Variants in TMEM184B observed in about 807,000 individuals in gnomAD.
The protein encoded by TMEM184B is transmembrane protein 184B, also known as putative MAPK-activating protein FM08.
In TMEM184B, 17 loss-of-function variants were observed where a neutral mutation model predicts 41.8. That is an observed-to-expected ratio of 0.41 (90% CI 0.28 to 0.61). The LOEUF (loss-of-function observed/expected upper bound fraction) is 0.61. Ranked by LOEUF, TMEM184B falls within the 20% of genes least tolerant of loss-of-function variation. The pLI is 0.34. For synonymous variants in TMEM184B, 240 were observed against 229.5 expected (o/e 1.05, Z -0.41); for missense variants, 393 against 557.8 (o/e 0.70, Z 2.98).
At chr22:38,266,316 A>C (rs1373497669) in intron 1 of TMEM184B, among the ~76,000 whole-genome samples, 1 of 152,220 alleles carries the variant, frequency 6.6e-6, no homozygotes, top group African/African-American at 2.4e-5. Flanking sequence ...TCTCCAAACC[A>C]CAACCTTGGG....
In TMEM184B at chr22:38,220,257, G is replaced by C; in HGVS notation, c.*1212C>G. The C allele has an allele frequency of 1.0e-6, 1 of 986,020 alleles. No homozygotes were observed. Among genetic ancestry groups the C allele is most frequent in the African/African-American group, 1.7e-5 (1 of 57,342 alleles). 61.1% of individuals were successfully genotyped at this position (986,020 alleles called of 1,614,324 possible). ...CTTGGTGGTCCTGACCACTCCTGAG[G>C]CCTGTCCAAGGGCTCTGGGCCCAGC... On this transcript the variant is annotated 3_prime_UTR_variant, in exon 9 of 9. Coordinates refer to ENST00000361906, the MANE Select transcript of TMEM184B (RefSeq NM_012264.5).
At position 38,247,820 on chromosome 22, in the gene TMEM184B, C is replaced by T; in HGVS notation, c.142G>A (p.Ala48Thr). ...PVFLMTTAAQ[A>T]ISGFFVWTAL... ...GTCCACACGAAGAAGCCAGAGATGGCCTGAGCGGCAGTTGTCATCAGGAAC... is the reference window on the plus strand; with the variant it reads ...GTCCACACGAAGAAGCCAGAGATGGTCTGAGCGGCAGTTGTCATCAGGAAC... The change falls in exon 2 of 9, where the codon GCC (alanine) becomes ACC (threonine). Residue 48 changes from alanine to threonine, a missense_variant. This residue lies in a region of TMEM184B where 122 missense variants were observed against 123.7 expected (regional missense o/e 0.99). Coordinates refer to ENST00000361906, the MANE Select transcript of TMEM184B (RefSeq NM_012264.5). The T allele has an allele frequency of 6.2e-7, 1 of 1,613,996 alleles. No homozygotes were observed.
rs1304174605 is a variant in TMEM184B at position 38,225,481 on chromosome 22, T to C, written c.730A>G (p.Ser244Gly). The change falls in exon 7 of 9, where the codon AGC becomes GGC. Residue 244 changes from serine (S) to glycine (G), a missense_variant. Coordinates refer to ENST00000361906, the MANE Select transcript of TMEM184B (RefSeq NM_012264.5). This position sits in a 1 kb window ranked among gnomAD's most constrained non-coding sequence, Gnocchi z 4.4. Reference sequence around the variant, plus strand: ...ACCATGAAGAACTTGAGGACGGGGCTGTAGGGGCTGAGCAGCTCCCGGGTG... The same window carrying C: ...ACCATGAAGAACTTGAGGACGGGGCCGTAGGGGCTGAGCAGCTCCCGGGTG... ...FATRELLSPY[S>G]PVLKFFMVKS... The C allele has an allele frequency of 6.3e-7, 1 of 1,590,472 alleles. No individual in the cohort carries two copies. Among genetic ancestry groups the C allele is most frequent in the Admixed American group, 1.9e-5 (1 of 53,280 alleles).
downstream of TMEM184B, among the ~76,000 whole-genome samples, chr22:38,217,252 A>C (rs2091159425): frequency 6.6e-6 from 1 of 151,460 alleles, no homozygotes; most frequent in Non-Finnish European, 1.5e-5. Flanking sequence ...TGGGAGGCTG[A>C]GGCAGGCGGA....
intron 1 of TMEM184B, among the ~76,000 whole-genome samples, chr22:38,265,854 A>C (rs2006730): frequency 0.5 from 76,580 of 152,006 alleles, 20,468 homozygotes; most frequent in South Asian, 0.65. Context: ...CAGTAGCTAC[A>C]GCGGCGCCAT....
chr22:38,227,212 G>A (rs1445785330), intron 5 of TMEM184B, among the ~76,000 whole-genome samples: 1 of 152,110 alleles, frequency 6.6e-6, no homozygotes, highest in African/African-American at 2.4e-5. Flanking sequence ...GAGGAATGGT[G>A]TGGCAGGGCA....
At chr22:38,248,078 G>C in intron 1 of TMEM184B, 59 bp from the exon 2 acceptor site, 18 of 1,460,702 alleles carry the variant, frequency 1.2e-5, no homozygotes, top group Non-Finnish European at 1.4e-5. Flanking sequence ...GCATTGGAAA[G>C]AATCTTCCAG....
chr22:38,265,449 T>C (rs1299798197), intron 1 of TMEM184B, among the ~76,000 whole-genome samples: 5 of 152,074 alleles, frequency 3.3e-5, no homozygotes, highest in Non-Finnish European at 5.9e-5. Context: ...CAGGTCTGTG[T>C]TGGGGGTAGC....
At chr22:38,249,202 T>C (rs1465973223) in intron 1 of TMEM184B, among the ~76,000 whole-genome samples, 1 of 152,192 alleles carries the variant, frequency 6.6e-6, no homozygotes. Context: ...CAGGCTAGAG[T>C]GCAATGGTGC....
In TMEM184B at chr22:38,260,188, G is replaced by A. The variant is rs183416758; in HGVS notation, c.-58-12169C>T. ...CTCCCAAAGTTCTGGGATTACAGGCGTGATCCACCACACCCGGCCAAATGC... is the reference window on the plus strand; with the variant it reads ...CTCCCAAAGTTCTGGGATTACAGGCATGATCCACCACACCCGGCCAAATGC... On this transcript the variant is annotated intron_variant, in intron 1 of 8. Coordinates refer to ENST00000361906, the MANE Select transcript of TMEM184B (RefSeq NM_012264.5). Among the ~76,000 whole-genome samples, 96 of 152,156 alleles carry A rather than the reference G, an allele frequency of 6.3e-4. No homozygotes were observed. The East Asian group carries it at 0.017, about 28-fold the overall frequency.
chr22:38,248,577 G>A (rs1000584613), intron 1 of TMEM184B, among the ~76,000 whole-genome samples: 2 of 152,140 alleles, frequency 1.3e-5, no homozygotes, highest in African/African-American at 4.8e-5. Flanking sequence ...GGGCATGCCT[G>A]ACTCCCTGCT....
At chr22:38,241,757 G>A (rs2091912149) in intron 3 of TMEM184B, among the ~76,000 whole-genome samples, 2 of 151,058 alleles carry the variant, frequency 1.3e-5, no homozygotes, top group Admixed American at 6.6e-5. Context: ...GGTGGCGGGC[G>A]CCTGTAGTCC....
At chr22:38,272,636 G>T in intron 1 of TMEM184B, 1 of 985,484 alleles carries the variant, frequency 1.0e-6, no homozygotes, top group Non-Finnish European at 1.2e-6. Context: ...CCCCCGCCAC[G>T]TTGGCGTGGA....
At chr22:38,241,524 C>CA (rs35419850) in intron 3 of TMEM184B, among the ~76,000 whole-genome samples, 2,464 of 88,784 alleles carry the variant, frequency 0.028, 48 homozygotes, top group East Asian at 0.058. Context: ...CTCATCTCTA[C>CA]AAAAAAAAAA....
intron 1 of TMEM184B, among the ~76,000 whole-genome samples, chr22:38,251,148 A>G (rs572852840): frequency 6.6e-6 from 1 of 152,300 alleles, no homozygotes; most frequent in South Asian, 2.1e-4. Flanking sequence ...AGGGTGGAGG[A>G]GAAGCCACCA....
chr22:38,231,164 A>T, intron 4 of TMEM184B, 80 bp downstream of exon 4: 1 of 1,203,528 alleles, frequency 8.3e-7, no homozygotes. Flanking sequence ...GTCTGTGTCC[A>T]GCTGGTGCCA....
chr22:38,268,122 C>T (rs973046230), intron 1 of TMEM184B, among the ~76,000 whole-genome samples: 2 of 152,174 alleles, frequency 1.3e-5, no homozygotes, highest in Admixed American at 1.3e-4. Context: ...GTGGCTCACA[C>T]CTGTAATCCC....
rs1400047919 is a variant in TMEM184B, at chr22:38,247,724, G to A, written c.192+46C>T. 1.9e-6 allele frequency: 3 copies of A among 1,568,798 alleles called. No homozygotes were observed. In the East Asian group the frequency reaches 6.8e-5, roughly 35 times the overall value. On this transcript the variant is annotated intron_variant, in intron 2 of 8. Transcript: ENST00000361906. ...CCTAACCCACACTCTGTTCAGCCAG[G>A]AACCTTTCTGGACCTTTCTAGAGGC...
In TMEM184B at chr22:38,220,474, C is replaced by CA. The variant is rs1569006276; in HGVS notation, c.*994dup. On this transcript the variant is annotated 3_prime_UTR_variant, in exon 9 of 9. Coordinates refer to ENST00000361906, the MANE Select transcript of TMEM184B (RefSeq NM_012264.5). ...GAGAGGAGTCTGGGACCATTCCCCCCACCTCCCAGCTCCCCACTGTGTGGC... is the reference window on the plus strand; with the variant it reads ...GAGAGGAGTCTGGGACCATTCCCCCCAACCTCCCAGCTCCCCACTGTGTGGC... The CA allele has an allele frequency of 1.0e-6, 1 of 985,808 alleles. No homozygotes were observed. Among genetic ancestry groups the CA allele is most frequent in the African/African-American group, 1.7e-5 (1 of 57,224 alleles). 61.1% of individuals were successfully genotyped at this position (985,808 alleles called of 1,614,324 possible).
Sources: allele counts gnomAD v4.1 joint callset (sites outside exome capture counted in the v4.1 genomes callset), GRCh38; gene constraint gnomAD v4.1.1; regional missense constraint gnomAD v4.1.1; non-coding constraint Gnocchi (gnomAD v3.1); transcripts MANE v1.5; gene names NCBI Gene and HGNC (gene_info 2026-07-23, HGNC 2026-07-21).